Variants in REXO2 observed in about 807,000 individuals in gnomAD.
REXO2 encodes oligoribonuclease, mitochondrial.
Under a neutral mutation model 30.9 loss-of-function variants are expected in REXO2, and 17 were observed. That is an observed-to-expected ratio of 0.55 (90% CI 0.38 to 0.82). The LOEUF (loss-of-function observed/expected upper bound fraction) is 0.82. Among genes scored for constraint, REXO2 ranks in the 40% least tolerant of loss-of-function variants. The pLI, the probability that REXO2 is intolerant of heterozygous loss-of-function variation, is 0.00. For missense variants in REXO2, 253 were observed against 293.2 expected (o/e 0.86, Z 1.00); for synonymous variants, 105 against 99.6 (o/e 1.05, Z -0.32).
chr11:114,444,981 TG>T (rs1330841515), intron 4 of REXO2: 2 of 164,828 alleles, frequency 1.2e-5, no homozygotes, highest in African/African-American at 2.4e-5. Context: ...ACCTATTTTT[TG>T]TTGGACATTT....
Position 114,444,614 on chromosome 11 carries a change from T to A in REXO2, c.383T>A (p.Val128Glu). Residue 128 changes from valine to glutamate, a missense_variant, in exon 4 of 7, where the codon GTA becomes GAA. Coordinates refer to ENST00000265881, the MANE Select transcript of REXO2 (RefSeq NM_015523.4). ...QQAEYEFLSF[V>E]RQQTPPGLCP... ...GCAGAGTATGAATTTCTGTCCTTTG[T>A]ACGACAGCAGACTCCTCCAGGGCTC... The A allele has an allele frequency of 6.2e-7, 1 of 1,610,054 alleles. No homozygotes were observed. Among genetic ancestry groups the A allele is most frequent in the Non-Finnish European group, 8.5e-7 (1 of 1,178,594 alleles).
chr11:114,444,162 C>T (rs537447584), intron 3 of REXO2: 59 of 631,480 alleles, frequency 9.3e-5, no homozygotes, highest in Non-Finnish European at 1.3e-4. Flanking sequence ...CAGTCTGTCG[C>T]GAACGCATTG....
intron 4 of REXO2, 28 bp downstream of exon 4, chr11:114,444,680 T>A (rs370303369): frequency 7.1e-7 from 1 of 1,415,690 alleles, no homozygotes; most frequent in Non-Finnish European, 9.6e-7. Context: ...GTATATCTTA[T>A]AGTCTTCCAT....
In REXO2 at chr11:114,450,055, C is replaced by A; in HGVS notation, c.*80C>A. 7.0e-7 allele frequency: 1 copy of A among 1,435,908 alleles called. No homozygotes were observed. Among genetic ancestry groups the A allele is most frequent in the Non-Finnish European group, 9.4e-7 (1 of 1,063,310 alleles). 88.9% of individuals were successfully genotyped at this position (1,435,908 alleles called of 1,614,324 possible). On this transcript the variant is annotated 3_prime_UTR_variant, in exon 7 of 7. Transcript: ENST00000265881. The stretch of plus-strand genomic sequence containing the variant: ...TTTTTTTCTCACGCTGATGGCTTGG[C>A]AGAGCACCTTCGGTTAACTTGCATC...
chr11:114,444,439 G>A (rs574045060), intron 3 of REXO2, 102 bp from the exon 4 acceptor site: 19 of 801,568 alleles, frequency 2.4e-5, no homozygotes, highest in Admixed American at 4.2e-5. Context: ...TCTATTTGTG[G>A]TTATATTTGC....
At chr11:114,444,273 C>G (rs1946498693) in intron 3 of REXO2, 6 of 620,102 alleles carry the variant, frequency 9.7e-6, no homozygotes, top group Non-Finnish European at 1.8e-5. Context: ...TTGTTTCTTC[C>G]CAGAGGTTAA....
At position 114,449,825 on chromosome 11, in the gene REXO2, T is replaced by C. The variant is rs1182980776; in HGVS notation, c.585-21T>C. The stretch of plus-strand genomic sequence containing the variant: ...CTCCTGGTTTTGGACAGTTCATTCA[T>C]TGTGGTATGTTTGCTTATAGGGCAC... On this transcript the variant is annotated intron_variant, in intron 6 of 6. Coordinates refer to ENST00000265881, the MANE Select transcript of REXO2 (RefSeq NM_015523.4). 2.5e-6 allele frequency: 4 copies of C among 1,597,406 alleles called. No homozygotes were observed. The South Asian group carries it at 4.6e-5, about 18-fold the overall frequency.
In REXO2 at chr11:114,446,562, C is replaced by G. The variant is rs1250693974; in HGVS notation, c.530+475C>G. 3.3e-5 allele frequency among the ~76,000 whole-genome samples: 5 copies of G among 152,142 alleles called. No homozygotes were observed. The East Asian group carries it at 9.6e-4, about 29-fold the overall frequency. On this transcript the variant is annotated intron_variant, in intron 5 of 6. Coordinates refer to ENST00000265881, the MANE Select transcript of REXO2 (RefSeq NM_015523.4). ...AAGAGGAATGGGGAGTCAGAGAAACCTTTACATAGCAAGGAAATAGCTTTG... is the reference window on the plus strand; with the variant it reads ...AAGAGGAATGGGGAGTCAGAGAAACGTTTACATAGCAAGGAAATAGCTTTG...
chr11:114,448,491 A>G (rs1278745297), intron 6 of REXO2, among the ~76,000 whole-genome samples: 1 of 152,234 alleles, frequency 6.6e-6, no homozygotes, highest in Non-Finnish European at 1.5e-5. Flanking sequence ...AGTTATAGGC[A>G]AATAGAGAAA....
chr11:114,442,999 G>A (rs1360417388), intron 2 of REXO2, among the ~76,000 whole-genome samples: 1 of 151,652 alleles, frequency 6.6e-6, no homozygotes, highest in East Asian at 1.9e-4. Flanking sequence ...TTTATGTATT[G>A]TCTTGATATT....
intron 2 of REXO2, chr11:114,441,716 T>C: frequency 1.4e-6 from 1 of 702,296 alleles, no homozygotes; most frequent in South Asian, 1.5e-5. Context: ...AAATCTGCAG[T>C]TAACACTTTT....
intron 2 of REXO2, among the ~76,000 whole-genome samples, chr11:114,443,630 G>T (rs1024044210): frequency 6.6e-6 from 1 of 151,858 alleles, no homozygotes; most frequent in Non-Finnish European, 1.5e-5. Context: ...ATAGATATCT[G>T]TGTCATCTAT....
At chr11:114,440,092 C>T (rs376920991) in intron 1 of REXO2, 14 of 471,982 alleles carry the variant, frequency 3.0e-5, no homozygotes, top group African/African-American at 2.4e-4. Context: ...AGCCTTACCC[C>T]TCATTCCATA....
chr11:114,443,973 A>G, intron 3 of REXO2, 40 bp downstream of exon 3: 2 of 1,458,898 alleles, frequency 1.4e-6, no homozygotes, highest in Non-Finnish European at 1.9e-6. Flanking sequence ...TTTGGGGATC[A>G]GTAGCAAGCT....
chr11:114,449,797 C>G, intron 6 of REXO2, 49 bp from the exon 7 acceptor site: 1 of 1,543,086 alleles, frequency 6.5e-7, no homozygotes. Context: ...AAATGATTTT[C>G]ATCTCCTGGT....
At chr11:114,441,900 A>G (rs1946481118) in intron 2 of REXO2, 1 of 599,180 alleles carries the variant, frequency 1.7e-6, no homozygotes, top group Non-Finnish European at 3.0e-6. Context: ...CCTGAGTTTT[A>G]GATTTGGTTG....
chr11:114,447,045 TCTC>T (rs1318127346), intron 5 of REXO2, among the ~76,000 whole-genome samples: 1 of 150,992 alleles, frequency 6.6e-6, no homozygotes, highest in Admixed American at 6.6e-5. Flanking sequence ...TTCACGCCAT[TCTC>T]CTGCCTCAGC....
chr11:114,448,581 G>A (rs762236144), intron 6 of REXO2, among the ~76,000 whole-genome samples: 1 of 152,218 alleles, frequency 6.6e-6, no homozygotes, highest in African/African-American at 2.4e-5. Flanking sequence ...TACAGGCCTA[G>A]ACTACCTTAT....
chr11:114,447,803 A>T, intron 5 of REXO2, 23 bp from the exon 6 acceptor site: 1 of 1,599,792 alleles, frequency 6.3e-7, no homozygotes, highest in Non-Finnish European at 8.5e-7. Context: ...TTCCTTTGAG[A>T]GTTCCATTTC....
Sources: gnomAD v4.1 joint callset for allele counts (sites outside exome capture counted in the v4.1 genomes callset) on GRCh38, gnomAD v4.1.1 for gene constraint, MANE v1.5 for transcripts, NCBI Gene and HGNC (gene_info 2026-07-23, HGNC 2026-07-21) for gene names.